Variants in HS6ST3 observed in about 807,000 individuals in gnomAD.
HS6ST3 encodes heparan sulfate 6-O-sulfotransferase 3.
HS6ST3 carries 12 observed loss-of-function variants against 36.7 expected under a neutral mutation model. The observed-to-expected ratio is 0.33, with a 90% CI of 0.21 to 0.53. The LOEUF (loss-of-function observed/expected upper bound fraction) is 0.53, where lower values mean the gene tolerates loss of function less well. Ranked by LOEUF, HS6ST3 falls within the 20% of genes least tolerant of loss-of-function variation. HS6ST3 has a pLI of 0.95. For synonymous variants in HS6ST3, 240 were observed against 257.5 expected, an observed-to-expected ratio of 0.93 and a Z score of 0.65; for missense variants, 584 against 640.9, an observed-to-expected ratio of 0.91 and a Z score of 0.96.
intron 1 of HS6ST3, among the ~76,000 whole-genome samples, chr13:96,501,166 G>A (rs115254886): frequency 0.011 from 1,675 of 152,260 alleles, 25 homozygotes; most frequent in African/African-American, 0.033. Context: ...CTGCTGATGT[G>A]TCTGGCTGAT....
At chr13:96,093,502 A>G (rs2053775134) in intron 1 of HS6ST3, among the ~76,000 whole-genome samples, 1 of 152,160 alleles carries the variant, frequency 6.6e-6, no homozygotes, top group Non-Finnish European at 1.5e-5. Flanking sequence ...GTAATGGAGC[A>G]TAAACATTCA....
chr13:96,325,653 A>T lies in HS6ST3; in HGVS notation c.707+234084A>T, dbSNP rs141460265. Among the ~76,000 whole-genome samples, 948 of 152,302 alleles carry T rather than the reference A, an allele frequency of 6.2e-3. 4 individuals carry two copies. Among genetic ancestry groups the T allele is most frequent in the South Asian group, 0.011 (53 of 4,830 alleles). ...ATCCAAGGATTTTGGTATCCTTGGG[A>T]GTTCTGGAACCATCCCTCATGGGTA... On this transcript the variant is annotated intron_variant, in intron 1 of 1. Coordinates refer to ENST00000376705, the MANE Select transcript of HS6ST3 (RefSeq NM_153456.4).
intron 1 of HS6ST3, among the ~76,000 whole-genome samples, chr13:96,643,379 A>G (rs768128354): frequency 1.4e-4 from 21 of 151,904 alleles, no homozygotes; most frequent in Non-Finnish European, 2.9e-4. Flanking sequence ...CCTTAGCTAT[A>G]TGCACACCCC....
intron 1 of HS6ST3, among the ~76,000 whole-genome samples, chr13:96,198,633 G>A (rs2054326333): frequency 6.6e-6 from 1 of 152,164 alleles, no homozygotes; most frequent in African/African-American, 2.4e-5. Context: ...CAGTCTCTTT[G>A]CTAAAACATA....
intron 1 of HS6ST3, among the ~76,000 whole-genome samples, chr13:96,351,548 G>A (rs1237911229): frequency 3.3e-5 from 5 of 152,134 alleles, no homozygotes; most frequent in Non-Finnish European, 5.9e-5. Context: ...CTGGGGTCAA[G>A]TGATCTGCCG....
chr13:96,300,055 T>TTC (rs1220511515), intron 1 of HS6ST3, among the ~76,000 whole-genome samples: 2 of 134,342 alleles, frequency 1.5e-5, no homozygotes, highest in African/African-American at 5.6e-5. Flanking sequence ...CACTTTTTTT[T>TTC]TTTTTTTTTT....
chr13:96,280,774 C>T (rs2054771754), intron 1 of HS6ST3, among the ~76,000 whole-genome samples: 1 of 152,102 alleles, frequency 6.6e-6, no homozygotes, highest in Non-Finnish European at 1.5e-5. Flanking sequence ...ACATGATAGC[C>T]ATTTTCTGGC....
chr13:96,548,861 G>T (rs953928030), intron 1 of HS6ST3, among the ~76,000 whole-genome samples: 1 of 152,204 alleles, frequency 6.6e-6, no homozygotes, highest in Non-Finnish European at 1.5e-5. Context: ...GCCTTACTCG[G>T]TCTATGGATT....
Position 96,833,233 on chromosome 13 carries a change from T to C in HS6ST3, c.*35T>C, listed in dbSNP as rs372209629. 6.9e-7 allele frequency: 1 copy of C among 1,446,820 alleles called. No individual in the cohort carries two copies. Among genetic ancestry groups the C allele is most frequent in the Non-Finnish European group, 9.1e-7 (1 of 1,095,544 alleles). The allele number at this position is 1,446,820 out of a possible 1,614,324, so 89.6% of individuals were successfully genotyped here. A position where few individuals can be genotyped will look rare whatever the true frequency, so the allele number is the denominator to read the frequency against. On this transcript the variant is annotated 3_prime_UTR_variant, in exon 2 of 2. Coordinates refer to ENST00000376705, the MANE Select transcript of HS6ST3 (RefSeq NM_153456.4). ...CTCTCCTCTCTCAGGAGGGGGAGGG[T>C]GAGCAGGCACATTGACTTTCTGTTG...
chr13:96,765,361 C>T (rs549745740), intron 1 of HS6ST3, among the ~76,000 whole-genome samples: 87 of 152,212 alleles, frequency 5.7e-4, no homozygotes, highest in African/African-American at 8.9e-4. Flanking sequence ...CGTGAACCAC[C>T]GCACCCGGCC....
intron 1 of HS6ST3, among the ~76,000 whole-genome samples, chr13:96,314,332 A>G (rs1197257439): frequency 6.6e-6 from 1 of 152,256 alleles, no homozygotes; most frequent in Non-Finnish European, 1.5e-5. Flanking sequence ...ATACTCACAC[A>G]CATAAGGCAG....
At chr13:96,151,000 G>T (rs1192794511) in intron 1 of HS6ST3, among the ~76,000 whole-genome samples, 1 of 152,134 alleles carries the variant, frequency 6.6e-6, no homozygotes, top group Non-Finnish European at 1.5e-5. Context: ...TAGGTTGTTT[G>T]AAAACATTTC....
At chr13:96,638,580 G>A (rs2056557826) in intron 1 of HS6ST3, among the ~76,000 whole-genome samples, 1 of 151,948 alleles carries the variant, frequency 6.6e-6, no homozygotes, top group Non-Finnish European at 1.5e-5. Context: ...GTGACAGCGA[G>A]TTCTCATGAG....
chr13:96,339,801 G>A (rs533502230), intron 1 of HS6ST3, among the ~76,000 whole-genome samples: 72 of 152,334 alleles, frequency 4.7e-4, no homozygotes, highest in African/African-American at 1.5e-3. Flanking sequence ...CCTCATCTGT[G>A]TATCTATCTG....
chr13:96,140,336 C>G (rs751324811), intron 1 of HS6ST3, among the ~76,000 whole-genome samples: 1 of 152,164 alleles, frequency 6.6e-6, no homozygotes, highest in Admixed American at 6.5e-5. Flanking sequence ...ATTGTATAGG[C>G]TTAAAACACT....
At chr13:96,341,500 C>A (rs1156804005) in intron 1 of HS6ST3, among the ~76,000 whole-genome samples, 1 of 151,944 alleles carries the variant, frequency 6.6e-6, no homozygotes. Context: ...TAGTGAAGGG[C>A]CAACTCTAAC....
intron 1 of HS6ST3, among the ~76,000 whole-genome samples, chr13:96,806,842 G>A (rs1430226648): frequency 6.6e-6 from 1 of 152,160 alleles, no homozygotes; most frequent in African/African-American, 2.4e-5. Flanking sequence ...ATTCTGGAAT[G>A]TCCAAGCTTT....
chr13:96,270,228 G>A (rs1295152676), intron 1 of HS6ST3, among the ~76,000 whole-genome samples: 1 of 151,794 alleles, frequency 6.6e-6, no homozygotes, highest in African/African-American at 2.4e-5. Context: ...CTGCCCATGA[G>A]CCAAGAGACT....
rs751634992 is a variant in HS6ST3 at position 96,404,645 on chromosome 13, T to G, written c.707+313076T>G. Among the ~76,000 whole-genome samples, 54 of 152,308 alleles carry G rather than the reference T, an allele frequency of 3.5e-4. 1 individual carries two copies. The highest frequency in any genetic ancestry group is 1.0e-3 in the South Asian group (5 of 4,824). On this transcript the variant is annotated intron_variant, in intron 1 of 1. Coordinates refer to ENST00000376705, the MANE Select transcript of HS6ST3 (RefSeq NM_153456.4). ...GTTGTAGGGCACCAAATAGGGCCAA[T>G]AAGCCAAGAAGTTGGCAAAAGGCCA...
Sources: allele counts gnomAD v4.1 joint callset (sites outside exome capture counted in the v4.1 genomes callset), GRCh38; gene constraint gnomAD v4.1.1; transcripts MANE v1.5; gene names NCBI Gene and HGNC (gene_info 2026-07-23, HGNC 2026-07-21).